Variants in PFKFB3 observed in about 807,000 individuals in gnomAD.
The protein encoded by PFKFB3 is 6-phosphofructo-2-kinase/fructose-2,6-bisphosphatase 3.
A neutral mutation model predicts 68.0 loss-of-function variants in PFKFB3; 33 were observed. That is an observed-to-expected ratio of 0.49 (90% CI 0.37 to 0.65). The LOEUF is 0.65. PFKFB3 is among the 30% of genes least tolerant of loss of function. PFKFB3 has a pLI of 0.00. For missense variants in PFKFB3, 586 were observed against 712.2 expected (o/e 0.82, Z 2.02); for synonymous variants, 315 against 288.2 (o/e 1.09, Z -0.94).
At chr10:6,194,032 A>G (rs1843101219) in intron 1 of PFKFB3, among the ~76,000 whole-genome samples, 1 of 152,174 alleles carries the variant, frequency 6.6e-6, no homozygotes. Flanking sequence ...GTTTCTATTA[A>G]TATTTGTATT....
chr10:6,267,979 C>G, the PFKFB3 span, among the ~76,000 whole-genome samples: 907 of 82,196 alleles, frequency 0.011, 49 homozygotes, highest in Non-Finnish European at 4.0e-3. Flanking sequence ...AAAAAAAAAT[C>G]AAATTACTAA....
intron 6 of PFKFB3, 83 bp from the exon 7 acceptor site, chr10:6,219,486 C>T (rs778107780): frequency 2.6e-6 from 4 of 1,526,954 alleles, no homozygotes; most frequent in South Asian, 1.1e-5. Flanking sequence ...GTGCGCTCCC[C>T]TTTTGAAAGC....
At chr10:6,193,862 T>C (rs976551510) in intron 1 of PFKFB3, among the ~76,000 whole-genome samples, 11 of 152,120 alleles carry the variant, frequency 7.2e-5, no homozygotes, top group African/African-American at 2.7e-4. Flanking sequence ...CAAAGTACAT[T>C]GATCAGTTAG....
chr10:6,321,178 G>C, the PFKFB3 span, among the ~76,000 whole-genome samples: 1 of 152,104 alleles, frequency 6.6e-6, no homozygotes, highest in Admixed American at 6.5e-5. Context: ...CATTTCCCAG[G>C]AAGTAGAAGT....
At chr10:6,201,475 G>A (rs1588461684), upstream of PFKFB3, among the ~76,000 whole-genome samples, 2 of 148,402 alleles carry the variant, frequency 1.3e-5, no homozygotes, top group African/African-American at 2.5e-5. The surrounding 1 kb of genome is among the most constrained non-coding windows in gnomAD (Gnocchi z 4.1). Flanking sequence ...GTCGAGGCGT[G>A]GGGGAGGGTG....
chr10:6,153,403 G>A (rs1434810917), intron 1 of PFKFB3, among the ~76,000 whole-genome samples: 1 of 152,218 alleles, frequency 6.6e-6, no homozygotes, highest in East Asian at 1.9e-4. Context: ...CGGCCATGGA[G>A]CTTACATGTG....
chr10:6,188,024 C>A (rs1842922084), intron 1 of PFKFB3, among the ~76,000 whole-genome samples: 1 of 149,800 alleles, frequency 6.7e-6, no homozygotes, highest in African/African-American at 2.5e-5. Flanking sequence ...TATATATCTG[C>A]CTCATAAAGA....
At chr10:6,221,894 A>AC (rs1459613410) in intron 10 of PFKFB3, 149 bp downstream of exon 10, 24 of 609,660 alleles carry the variant, frequency 3.9e-5, no homozygotes, top group Admixed American at 8.5e-5. Context: ...CCCAAACTGA[A>AC]CCTTCTAACA....
the PFKFB3 span, among the ~76,000 whole-genome samples, chr10:6,286,151 G>T: frequency 1.3e-5 from 2 of 151,300 alleles, no homozygotes; most frequent in African/African-American, 4.9e-5. Flanking sequence ...CTATTTTTTT[G>T]TATTTTTAGT....
At chr10:6,222,754 A>G in intron 10 of PFKFB3, 101 bp from the exon 11 acceptor site, 1 of 1,304,538 alleles carries the variant, frequency 7.7e-7, no homozygotes, top group South Asian at 1.5e-5. Flanking sequence ...TGGATGATTG[A>G]TTTTGCGTGG....
At chr10:6,267,558 C>T in the PFKFB3 span, among the ~76,000 whole-genome samples, 2 of 152,182 alleles carry the variant, frequency 1.3e-5, no homozygotes, top group South Asian at 2.1e-4. Context: ...TTCTTACTTA[C>T]TCACTTGTAG....
chr10:6,231,313 A>G, intron 14 of PFKFB3: 2 of 1,612,408 alleles, frequency 1.2e-6, no homozygotes, highest in Non-Finnish European at 1.7e-6. Context: ...TAACTGTGGA[A>G]GGTAAATGCC....
intron 1 of PFKFB3, chr10:6,146,332 G>A (rs1177237735): frequency 1.9e-5 from 29 of 1,528,694 alleles, no homozygotes; most frequent in Admixed American, 3.9e-5. Context: ...GGCTCCTGGC[G>A]GTGAAGGGGG....
intron 1 of PFKFB3, among the ~76,000 whole-genome samples, chr10:6,160,084 A>C (rs1165020486): frequency 6.6e-6 from 1 of 152,168 alleles, no homozygotes; most frequent in Non-Finnish European, 1.5e-5. Context: ...AATAAAATTA[A>C]AACAACTAAA....
At chr10:6,196,233 C>G (rs867803075) in intron 1 of PFKFB3, among the ~76,000 whole-genome samples, 4 of 151,886 alleles carry the variant, frequency 2.6e-5, no homozygotes, top group Middle Eastern at 3.4e-3. Flanking sequence ...CCGGTTCAAG[C>G]GATTCTTCCA....
At chr10:6,172,028 A>C (rs1036878332) in intron 1 of PFKFB3, among the ~76,000 whole-genome samples, 1 of 152,204 alleles carries the variant, frequency 6.6e-6, no homozygotes, top group Non-Finnish European at 1.5e-5. Context: ...TACTCCATTG[A>C]GAGTCTTAGT....
chr10:6,256,743 G>A (rs534274767), downstream of PFKFB3, among the ~76,000 whole-genome samples: 1 of 152,368 alleles, frequency 6.6e-6, no homozygotes, highest in Non-Finnish European at 1.5e-5. Flanking sequence ...TGTAGGCAGA[G>A]ATGGGAGGGC....
At chr10:6,230,736 A>G (rs923830555) in intron 14 of PFKFB3, among the ~76,000 whole-genome samples, 1 of 147,368 alleles carries the variant, frequency 6.8e-6, no homozygotes, top group African/African-American at 2.5e-5. Flanking sequence ...TTTTTTTGAG[A>G]TGGAATTCTG....
At chr10:6,178,762 G>A (rs11257090) in intron 1 of PFKFB3, among the ~76,000 whole-genome samples, 72,816 of 152,092 alleles carry the variant, frequency 0.48, 18,549 homozygotes, top group Non-Finnish European at 0.56. Context: ...GACTGGGGGG[G>A]ATTTGAAGGC....
Sources: allele counts gnomAD v4.1 joint callset (sites outside exome capture counted in the v4.1 genomes callset), GRCh38; gene constraint gnomAD v4.1.1; non-coding constraint Gnocchi (gnomAD v3.1); transcripts MANE v1.5; gene names NCBI Gene and HGNC (gene_info 2026-07-23, HGNC 2026-07-21).